The following FAM20C variants were observed in gnomAD, a reference collection of about 807,000 sequenced individuals.
FAM20C encodes FAM20C golgi associated secretory pathway kinase.
A neutral mutation model predicts 51.5 loss-of-function variants in FAM20C; 40 were observed. The ratio of observed to expected loss-of-function variants is 0.78; its 90% CI spans 0.60 to 1.01. The LOEUF (loss-of-function observed/expected upper bound fraction) is 1.01. Among genes scored for constraint, FAM20C ranks in the 50% least tolerant of loss-of-function variants. The pLI is 0.00. For missense variants in FAM20C, 861 were observed against 844.7 expected, an observed-to-expected ratio of 1.02 and a Z score of -0.24; for synonymous variants, 406 against 380.6, an observed-to-expected ratio of 1.07 and a Z score of -0.78.
At chr7:193,894 C>T in intron 1 of FAM20C, 90 bp downstream of exon 1, 1 of 1,438,446 alleles carries the variant, frequency 7.0e-7, no homozygotes, top group South Asian at 1.4e-5. Flanking sequence ...GAGGGCCGCC[C>T]CCCATGGAAG....
At chr7:259,645 C>A (rs957788173) in intron 9 of FAM20C, 86 bp from the exon 10 acceptor site, 2 of 1,287,282 alleles carry the variant, frequency 1.6e-6, no homozygotes, top group Non-Finnish European at 2.0e-6. Context: ...CCCACTCTCT[C>A]GATCTCCCTC....
At chr7:209,293 G>A (rs1344912326) in intron 3 of FAM20C, among the ~76,000 whole-genome samples, 1 of 152,188 alleles carries the variant, frequency 6.6e-6, no homozygotes, top group Non-Finnish European at 1.5e-5. Context: ...TGCCTCTCTG[G>A]AAGAGGTGAC....
chr7:202,011 C>T (rs1291973901), intron 2 of FAM20C, among the ~76,000 whole-genome samples: 1 of 152,218 alleles, frequency 6.6e-6, no homozygotes, highest in African/African-American at 2.4e-5. Flanking sequence ...TGTATACTGA[C>T]GGATATCCGG....
intron 3 of FAM20C, among the ~76,000 whole-genome samples, chr7:244,712 C>T (rs1352403925): frequency 4.6e-5 from 7 of 152,210 alleles, no homozygotes; most frequent in Admixed American, 2.0e-4. Flanking sequence ...GACCTTCAGG[C>T]GCCAGCCCAC....
At chr7:206,405 CT>C (rs1786381406) in intron 2 of FAM20C, among the ~76,000 whole-genome samples, 2 of 152,236 alleles carry the variant, frequency 1.3e-5, no homozygotes, top group African/African-American at 4.8e-5. Flanking sequence ...CTGGGACCCC[CT>C]GAGACCTGCT....
chr7:220,696 C>T (rs1787222305), intron 3 of FAM20C, among the ~76,000 whole-genome samples: 1 of 152,172 alleles, frequency 6.6e-6, no homozygotes, highest in Admixed American at 6.5e-5. Context: ...GTGCTGGCCA[C>T]GTGTGCAGGG....
chr7:258,121 TA>T (rs1379899472), intron 8 of FAM20C, among the ~76,000 whole-genome samples: 11 of 137,806 alleles, frequency 8.0e-5, no homozygotes, highest in African/African-American at 2.5e-4. Flanking sequence ...GTGTTGGAGA[TA>T]GGCGGGGTGG....
chr7:206,642 G>GTGCTCAC (rs371262962), intron 2 of FAM20C, among the ~76,000 whole-genome samples: 9 of 145,832 alleles, frequency 6.2e-5, no homozygotes, highest in African/African-American at 1.8e-4. Flanking sequence ...CCCCGCACAC[G>GTGCTCAC]TGTCCACTGT....
intron 3 of FAM20C, among the ~76,000 whole-genome samples, chr7:223,424 G>A (rs918275146): frequency 6.6e-6 from 1 of 152,216 alleles, no homozygotes; most frequent in African/African-American, 2.4e-5. Flanking sequence ...CCGGGGTAGA[G>A]GCCAAGGAGC....
At chr7:215,059 T>C (rs1455612492) in intron 3 of FAM20C, among the ~76,000 whole-genome samples, 2 of 151,860 alleles carry the variant, frequency 1.3e-5, no homozygotes, top group African/African-American at 2.4e-5. Context: ...CACTACACTC[T>C]CCTATGCTCC....
In FAM20C at chr7:211,399, C is replaced by T. The variant is rs562953281; in HGVS notation, c.863+2423C>T. Among the ~76,000 whole-genome samples, 18 of 151,250 alleles carry T rather than the reference C, an allele frequency of 1.2e-4. No individual in the cohort carries two copies. In the East Asian group the frequency reaches 3.5e-3, roughly 30 times the overall value. On this transcript the variant is annotated intron_variant, in intron 3 of 9. Coordinates refer to ENST00000313766, the MANE Select transcript of FAM20C (RefSeq NM_020223.4). ...TCCCGGCCTGCCCCCAACCTTCCAC[C>T]TCACCTCCTCCACCTCTTCCTCCCC...
chr7:223,045 G>T (rs112812288), intron 3 of FAM20C, among the ~76,000 whole-genome samples: 2 of 3,174 alleles, frequency 6.3e-4, no homozygotes, highest in Non-Finnish European at 2.0e-3. Flanking sequence ...ATGTGAGGGC[G>T]TGTGTGTGCA....
rs889607320 is a variant in FAM20C, at chr7:192,980, G to T, written c.-220G>T. On this transcript the variant is annotated 5_prime_UTR_variant, in exon 1 of 10. Coordinates refer to ENST00000313766, the MANE Select transcript of FAM20C (RefSeq NM_020223.4). ...CCCCGGCTGAGGGCGCGGCCGCTCC[G>T]GAGAGGCCGAGCGGGGACGGGCCCG... 93 of 190,990 alleles carry T rather than the reference G, an allele frequency of 4.9e-4. No individual in the cohort carries two copies. The highest frequency in any genetic ancestry group is 7.5e-4 in the Admixed American group (12 of 15,996). 11.8% of individuals were successfully genotyped at this position (190,990 alleles called of 1,614,324 possible). A position where few individuals can be genotyped will look rare whatever the true frequency, so the allele number is the denominator to read the frequency against.
Position 246,417 on chromosome 7 carries a change from A to T in FAM20C, c.866A>T (p.Gln289Leu). ...YGQALFKPMK[Q>L]TREQETPPDF... ...CTGTTTCTGTCTTGTTTTCTCAGAC[A>T]AACGAGGGAGCAGGAGACACCCCCT... The change falls in exon 4 of 10, where the codon CAA becomes CTA. Residue 289 changes from glutamine (Q) to leucine (L), a missense_variant and splice_region_variant. Physicochemically the swap from Gln to Leu is moderately radical, Grantham distance 113 (BLOSUM62 -2). Around this residue, in one of 3 missense-constraint regions of FAM20C, gnomAD observed 561 missense variants for 499.8 expected, o/e 1.12. Coordinates refer to ENST00000313766, the MANE Select transcript of FAM20C (RefSeq NM_020223.4). 1 of 1,389,260 alleles carries T rather than the reference A, an allele frequency of 7.2e-7. No homozygotes were observed. 86.1% of individuals were successfully genotyped at this position (1,389,260 alleles called of 1,614,324 possible).
intron 2 of FAM20C, among the ~76,000 whole-genome samples, chr7:201,598 C>T (rs900871613): frequency 3.9e-5 from 6 of 152,208 alleles, no homozygotes; most frequent in African/African-American, 1.4e-4. Context: ...AGTGGGTTGC[C>T]GGAGCTGTCT....
chr7:255,415 A>C (rs1788553397), intron 5 of FAM20C, among the ~76,000 whole-genome samples: 1 of 152,036 alleles, frequency 6.6e-6, no homozygotes, highest in Admixed American at 6.6e-5. Flanking sequence ...CCCATTTATT[A>C]GTTTTTTTTG....
At chr7:209,533 G>C (rs1786601564) in intron 3 of FAM20C, among the ~76,000 whole-genome samples, 1 of 150,212 alleles carries the variant, frequency 6.7e-6, no homozygotes, top group Non-Finnish European at 1.5e-5. Context: ...AGTGTGCCCT[G>C]ATCTGGATAA....
At position 259,812 on chromosome 7, in the gene FAM20C, G is replaced by A; in HGVS notation, c.1587G>A (p.Leu529=). The A allele has an allele frequency of 6.5e-7, 1 of 1,536,518 alleles. No individual in the cohort carries two copies. Among genetic ancestry groups the A allele is most frequent in the Non-Finnish European group, 8.7e-7 (1 of 1,146,898 alleles). The change falls in exon 10 of 10, where the codon CTG becomes CTA. Residue 529 remains leucine (L), a synonymous_variant. Coordinates refer to ENST00000313766, the MANE Select transcript of FAM20C (RefSeq NM_020223.4). ...TGAGCCTGCTGATGGCCGAGTCTCT[G>A]CGGGGGGACCAGGTGGCACCCGTGC... The part of the protein sequence containing the change: ...YKLSLLMAES[L]RGDQVAPVLY...
rs1785788164 is a variant in FAM20C, at chr7:195,098, G to A, written c.606-456G>A. 1.3e-5 allele frequency: 2 copies of A among 159,708 alleles called. 1 individual carries two copies. The highest frequency in any genetic ancestry group is 4.1e-4 in the South Asian group (2 of 4,908). 9.9% of individuals were successfully genotyped at this position (159,708 alleles called of 1,614,324 possible). ...GTTGGAACAAAAGCAGAGAGCTGGG[G>A]AAGGTTCCTGACAGACTGGGCGTGT... is the stretch of plus-strand genomic sequence containing the variant. On this transcript the variant is annotated intron_variant, in intron 1 of 9. Transcript: ENST00000313766.
Sources: gnomAD v4.1 joint callset for allele counts (sites outside exome capture counted in the v4.1 genomes callset) on GRCh38, gnomAD v4.1.1 for gene constraint, gnomAD v4.1.1 regional missense constraint, MANE v1.5 for transcripts, NCBI Gene and HGNC (gene_info 2026-07-23, HGNC 2026-07-21) for gene names.